Variants in DCDC2C observed in about 807,000 individuals in gnomAD.
The protein encoded by DCDC2C is doublecortin domain-containing protein 2C.
Under a neutral mutation model 45.0 loss-of-function variants are expected in DCDC2C, and 44 were observed. The ratio of observed to expected loss-of-function variants is 0.98; its 90% CI spans 0.77 to 1.26. DCDC2C has a LOEUF of 1.26. Among genes scored for constraint, DCDC2C ranks in the 50% most tolerant of loss-of-function variants. The pLI is 0.00. For synonymous variants in DCDC2C, 187 were observed against 178.8 expected (o/e 1.05, Z -0.37); for missense variants, 447 against 468.9 (o/e 0.95, Z 0.43).
intron 10 of DCDC2C, among the ~76,000 whole-genome samples, chr2:3,819,956 C>A (rs147413862): frequency 6.6e-6 from 1 of 151,892 alleles, no homozygotes; most frequent in Non-Finnish European, 1.5e-5. Context: ...CTAGGCCTGG[C>A]GAGGAGCAGC....
At chr2:3,839,831 A>G (rs997318865) in intron 10 of DCDC2C, among the ~76,000 whole-genome samples, 1 of 152,242 alleles carries the variant, frequency 6.6e-6, no homozygotes, top group Non-Finnish European at 1.5e-5. Context: ...TTATTTGGCT[A>G]CTGAGTTCAG....
At chr2:3,820,876 C>T (rs1264929794) in intron 10 of DCDC2C, among the ~76,000 whole-genome samples, 1 of 152,048 alleles carries the variant, frequency 6.6e-6, no homozygotes, top group Non-Finnish European at 1.5e-5. Flanking sequence ...AGGTAGATCT[C>T]CTCATGGAGT....
intron 3 of DCDC2C, among the ~76,000 whole-genome samples, chr2:3,731,131 T>A (rs1668855037): frequency 6.6e-6 from 1 of 152,198 alleles, no homozygotes; most frequent in African/African-American, 2.4e-5. Flanking sequence ...GGGGCTAGCT[T>A]TGCTGATCCC....
At position 3,764,475 on chromosome 2, in the gene DCDC2C, G is replaced by A. The variant is rs530924445; in HGVS notation, c.727-3279G>A. 1.1e-4 allele frequency among the ~76,000 whole-genome samples: 17 copies of A among 152,318 alleles called. No homozygotes were observed. The South Asian group carries it at 3.5e-3, about 32-fold the overall frequency. ...GACTCAGACTTGGACCACAGTTTAG[G>A]CAGGGAAGTTTGGGAGGAAAGAGCA... On this transcript the variant is annotated intron_variant, in intron 6 of 10. Transcript: ENST00000399143.
At chr2:3,723,829 C>T (rs964236152) in intron 2 of DCDC2C, among the ~76,000 whole-genome samples, 4 of 151,916 alleles carry the variant, frequency 2.6e-5, no homozygotes, top group Non-Finnish European at 4.4e-5. Flanking sequence ...CAAATGGGGC[C>T]GGGGTGGCAC....
chr2:3,731,253 C>T (rs1036764009), intron 3 of DCDC2C, among the ~76,000 whole-genome samples: 6 of 152,186 alleles, frequency 3.9e-5, no homozygotes, highest in South Asian at 2.1e-4. Flanking sequence ...CCACTTAAGA[C>T]GGCTTCCCAT....
At chr2:3,716,734 A>G (rs1176047849) in intron 2 of DCDC2C, among the ~76,000 whole-genome samples, 1 of 152,236 alleles carries the variant, frequency 6.6e-6, no homozygotes, top group Non-Finnish European at 1.5e-5. Context: ...ATTATGAAGA[A>G]TAATAATTGC....
At chr2:3,744,761 G>T (rs917218907) in intron 4 of DCDC2C, among the ~76,000 whole-genome samples, 11 of 152,194 alleles carry the variant, frequency 7.2e-5, no homozygotes, top group African/African-American at 2.7e-4. Context: ...GTAAACTGTC[G>T]AGCCGTTTAG....
chr2:3,843,692 AT>A (rs779508400), intron 10 of DCDC2C, among the ~76,000 whole-genome samples: 2 of 152,110 alleles, frequency 1.3e-5, no homozygotes, highest in East Asian at 3.9e-4. Context: ...CTGCACTCTG[AT>A]TTCTTTCTTT....
At chr2:3,755,346 CAT>C (rs1003628250) in intron 6 of DCDC2C, among the ~76,000 whole-genome samples, 5 of 147,350 alleles carry the variant, frequency 3.4e-5, no homozygotes, top group African/African-American at 7.3e-5. Flanking sequence ...TGTATAGATG[CAT>C]ATGTGTGTAT....
At chr2:3,788,813 C>T (rs944339573) in intron 10 of DCDC2C, among the ~76,000 whole-genome samples, 1 of 145,388 alleles carries the variant, frequency 6.9e-6, no homozygotes. Flanking sequence ...CTCCCTTCCT[C>T]CCTTCCTGCC....
At chr2:3,835,556 A>G (rs1054717028) in intron 10 of DCDC2C, among the ~76,000 whole-genome samples, 1 of 152,148 alleles carries the variant, frequency 6.6e-6, no homozygotes, top group Admixed American at 6.5e-5. Flanking sequence ...TCTGTTCCGT[A>G]TCTGTCTCTA....
chr2:3,747,226 C>T (rs1669396939), intron 4 of DCDC2C, among the ~76,000 whole-genome samples: 1 of 152,228 alleles, frequency 6.6e-6, no homozygotes, highest in African/African-American at 2.4e-5. Context: ...GCAGGAGCTT[C>T]CCGCCTCGGT....
intron 10 of DCDC2C, among the ~76,000 whole-genome samples, chr2:3,806,372 G>T (rs6706842): frequency 3.3e-5 from 5 of 152,134 alleles, no homozygotes; most frequent in Admixed American, 2.0e-4. Context: ...GTTTCTGACA[G>T]GTGACTTCTG....
chr2:3,814,726 C>T (rs577459685), intron 10 of DCDC2C, among the ~76,000 whole-genome samples: 12 of 152,212 alleles, frequency 7.9e-5, no homozygotes, highest in Non-Finnish European at 1.5e-4. Context: ...GGCTTTTGTC[C>T]CTGAGCCTCT....
At chr2:3,839,784 G>A (rs906206175) in intron 10 of DCDC2C, among the ~76,000 whole-genome samples, 13 of 152,070 alleles carry the variant, frequency 8.5e-5, no homozygotes, top group African/African-American at 4.8e-5. Flanking sequence ...CATCTCACTC[G>A]CCAAAATGTC....
At chr2:3,730,420 T>G (rs1668831907) in intron 3 of DCDC2C, among the ~76,000 whole-genome samples, 1 of 152,192 alleles carries the variant, frequency 6.6e-6, no homozygotes, top group Non-Finnish European at 1.5e-5. Flanking sequence ...TGTGTCGGAT[T>G]GCCACTGCTA....
chr2:3,823,612 T>C (rs141086951), intron 10 of DCDC2C, among the ~76,000 whole-genome samples: 1 of 152,240 alleles, frequency 6.6e-6, no homozygotes, highest in Non-Finnish European at 1.5e-5. Context: ...TTGCTCCATG[T>C]ATTTTGGGAC....
intron 10 of DCDC2C, among the ~76,000 whole-genome samples, chr2:3,820,138 C>T (rs529529416): frequency 2.0e-5 from 3 of 152,230 alleles, no homozygotes; most frequent in Non-Finnish European, 2.9e-5. Flanking sequence ...AATGCCTGGA[C>T]GTCAGGCACC....
Sources: allele counts gnomAD v4.1 joint callset (sites outside exome capture counted in the v4.1 genomes callset), GRCh38; gene constraint gnomAD v4.1.1; transcripts MANE v1.5; gene names NCBI Gene and HGNC (gene_info 2026-07-23, HGNC 2026-07-21).